Variants in SIGLEC5 observed in about 807,000 individuals in gnomAD.
SIGLEC5 encodes the protein sialic acid-binding Ig-like lectin 5.
Under a neutral mutation model 45.9 loss-of-function variants are expected in SIGLEC5, and 34 were observed. The observed-to-expected ratio is 0.74, with a 90% CI of 0.56 to 0.99. The LOEUF (loss-of-function observed/expected upper bound fraction) is 0.99. Ranked by LOEUF, SIGLEC5 falls within the 50% of genes least tolerant of loss-of-function variation. The pLI is 0.00. For synonymous variants in SIGLEC5, 203 were observed against 258.6 expected (o/e 0.79, Z 2.06); for missense variants, 508 against 629.6 (o/e 0.81, Z 2.07).
At chr19:51,618,264 A>G (rs911128737) in intron 8 of SIGLEC5, among the ~76,000 whole-genome samples, 1 of 151,958 alleles carries the variant, frequency 6.6e-6, no homozygotes, top group Non-Finnish European at 1.5e-5. Context: ...ATTTTTTAAA[A>G]CCTGGTTATA....
In SIGLEC5 at chr19:51,626,111, A is replaced by G; in HGVS notation, c.1385T>C (p.Val462Ala). 6.2e-7 allele frequency: 1 copy of G among 1,613,324 alleles called. No individual in the cohort carries two copies. Among genetic ancestry groups the G allele is most frequent in the Non-Finnish European group, 8.5e-7 (1 of 1,179,948 alleles). ...ICLCLIFFLI[V>A]KARRKQAAGR... The stretch of plus-strand genomic sequence containing the variant: ...AGCTGCTTGCTTCCTGCGGGCTTTC[A>G]CTCTAAGGAAAGAAACCAGCACAGT... The change falls in exon 8 of 9, where the codon GTG becomes GCG. Residue 462 changes from valine (V) to alanine (A), a missense_variant and splice_region_variant. Transcript: ENST00000683636.
intron 4 of SIGLEC5, among the ~76,000 whole-genome samples, 191 bp downstream of exon 4, chr19:51,628,819 GTGTGTGCGTGTGTGTGTGCGTGTGTGCA>G (rs1213315935): frequency 2.7e-5 from 4 of 146,470 alleles, no homozygotes; most frequent in African/African-American, 1.0e-4. Context: ...ATGCATGTGT[GTGTGTGCGTGTGTGTGTGCGTGTGTGCA>G]TGTGTGCGTG....
rs1401571744 is a variant in SIGLEC5 at position 51,627,204 on chromosome 19, C to T, written c.1327G>A (p.Gly443Ser). ...GTGVVPAALG[G>S]AGVMALLCIC... is the part of the protein sequence containing the mutation. Reference sequence around the variant, plus strand: ...CAGAGCAGGGCCATGACACCAGCACCACCAAGGGCTGCAGGAACCACTCCT... The same window carrying T: ...CAGAGCAGGGCCATGACACCAGCACTACCAAGGGCTGCAGGAACCACTCCT... The change falls in exon 7 of 9, where the codon GGT becomes AGT. Residue 443 changes from glycine to serine, a missense_variant. By Grantham distance (56) the Gly-to-Ser change is moderately conservative (BLOSUM62 0). Around this residue, in one of 2 missense-constraint regions of SIGLEC5, gnomAD observed 431 missense variants for 428.8 expected, o/e 1.01. Transcript: ENST00000683636. 1.9e-6 allele frequency: 3 copies of T among 1,614,018 alleles called. No homozygotes were observed. Among genetic ancestry groups the T allele is most frequent in the African/African-American group, 1.3e-5 (1 of 74,902 alleles).
At chr19:51,614,134 T>C (rs964896502) in intron 8 of SIGLEC5, among the ~76,000 whole-genome samples, 3 of 152,172 alleles carry the variant, frequency 2.0e-5, no homozygotes, top group Non-Finnish European at 4.4e-5. Flanking sequence ...ACGTGAGTCT[T>C]CAAACAGTAG....
intron 8 of SIGLEC5, among the ~76,000 whole-genome samples, chr19:51,624,461 TA>T (rs1267435953): frequency 6.6e-6 from 1 of 152,162 alleles, no homozygotes; most frequent in Non-Finnish European, 1.5e-5. Context: ...GGTTTGCAGT[TA>T]TTTATCATAT....
chr19:51,623,508 G>A (rs188581698), intron 8 of SIGLEC5, among the ~76,000 whole-genome samples: 1 of 152,264 alleles, frequency 6.6e-6, no homozygotes, highest in African/African-American at 2.4e-5. Flanking sequence ...GATGTGACCA[G>A]GTGTTTTATA....
chr19:51,629,083 T>C lies in SIGLEC5; in HGVS notation c.701-7A>G. The stretch of plus-strand genomic sequence containing the variant: ...GTGATGGTCTGTGGAGCATCTGGGA[T>C]AAAAAGATATAAACTTGGCTTCAGC... On this transcript the variant is annotated splice_region_variant and splice_polypyrimidine_tract_variant and intron_variant, in intron 3 of 8. Transcript: ENST00000683636. The C allele has an allele frequency of 6.2e-7, 1 of 1,613,612 alleles. No individual in the cohort carries two copies. Among genetic ancestry groups the C allele is most frequent in the Non-Finnish European group, 8.5e-7 (1 of 1,179,744 alleles).
At position 51,616,349 on chromosome 19, in the gene SIGLEC5, A is replaced by C. The variant is rs572084543; in HGVS notation, c.1465-3927T>G. Among the ~76,000 whole-genome samples the C allele has an allele frequency of 3.2e-4, 48 of 152,352 alleles. 1 individual carries two copies. In the South Asian group the frequency reaches 9.5e-3, roughly 30 times the overall value. ...TAGCAGCATGAAAACAAGCATAAGA[A>C]ACTTTGTCAATAACAAAGTGTGCAT... is the stretch of plus-strand genomic sequence containing the variant. On this transcript the variant is annotated intron_variant, in intron 8 of 8. Transcript: ENST00000683636.
intron 4 of SIGLEC5, 130 bp from the exon 5 acceptor site, chr19:51,628,221 C>G (rs1173042983): frequency 1.9e-6 from 2 of 1,072,930 alleles, no homozygotes; most frequent in Non-Finnish European, 2.5e-6. Context: ...TTGATTGCAT[C>G]CTGGTTCAAA....
chr19:51,623,715 T>C (rs897749037), intron 8 of SIGLEC5, among the ~76,000 whole-genome samples: 2 of 152,130 alleles, frequency 1.3e-5, no homozygotes, highest in African/African-American at 4.8e-5. Flanking sequence ...TTTCATGACC[T>C]TGTAAAGATG....
At chr19:51,626,828 G>C (rs1354279225) in intron 7 of SIGLEC5, among the ~76,000 whole-genome samples, 1 of 152,200 alleles carries the variant, frequency 6.6e-6, no homozygotes, top group African/African-American at 2.4e-5. Context: ...TACAAAACAT[G>C]TATCTCAATA....
intron 8 of SIGLEC5, among the ~76,000 whole-genome samples, chr19:51,614,275 C>T (rs939337739): frequency 1.3e-5 from 2 of 152,206 alleles, no homozygotes; most frequent in Admixed American, 6.5e-5. Context: ...TCCTGAGTAG[C>T]TGAGACCACA....
intron 8 of SIGLEC5, among the ~76,000 whole-genome samples, chr19:51,616,904 G>GTT: frequency 1.2e-4 from 1 of 8,254 alleles, no homozygotes; most frequent in Non-Finnish European, 2.1e-4. Flanking sequence ...GAGTGAGACT[G>GTT]TCAAAAAAAA....
chr19:51,614,461 G>T (rs1982977236), intron 8 of SIGLEC5, among the ~76,000 whole-genome samples: 1 of 152,068 alleles, frequency 6.6e-6, no homozygotes, highest in South Asian at 2.1e-4. Context: ...GGACTCCGCA[G>T]TTAGGGAAAA....
chr19:51,610,973 A>C lies in SIGLEC5; in HGVS notation c.*1258T>G, dbSNP rs1228315278. 1.3e-5 allele frequency among the ~76,000 whole-genome samples: 2 copies of C among 152,158 alleles called. No homozygotes were observed. Among genetic ancestry groups the C allele is most frequent in the Admixed American group, 6.5e-5 (1 of 15,268 alleles). On this transcript the variant is annotated 3_prime_UTR_variant, in exon 9 of 9. Transcript: ENST00000683636. ...TTTTTCTACTCATTTTTTCCCCAAA[A>C]GATTTTATTATTTTCAACACAAGGC...
In SIGLEC5 at chr19:51,612,391, GGGCTGTCT is replaced by G. The variant is rs765054099; in HGVS notation, c.1488_1495del (p.Asp497ArgfsTer25). ...CCCAGGAGGAGATGCTTGATCTCCGGGGCTGTCTGGCCAGGGCTTCTTCCTGGAACCCT... is the reference window on the plus strand; with the variant it reads ...CCCAGGAGGAGATGCTTGATCTCCGGGGCCAGGGCTTCTTCCTGGAACCCT... On this transcript the variant is annotated frameshift_variant, in exon 9 of 9. Coordinates refer to ENST00000683636, the MANE Select transcript of SIGLEC5 (RefSeq NM_003830.4). LOFTEE classifies it low-confidence loss of function (END_TRUNC). 1.2e-6 allele frequency: 2 copies of G among 1,612,826 alleles called. No individual in the cohort carries two copies. Among genetic ancestry groups the G allele is most frequent in the Non-Finnish European group, 1.7e-6 (2 of 1,179,466 alleles).
At chr19:51,621,758 C>A (rs1983292611) in intron 8 of SIGLEC5, 1 of 151,910 alleles carries the variant, frequency 6.6e-6, no homozygotes, top group Admixed American at 6.5e-5. Context: ...ACATGCAAGA[C>A]CAACTTGTGA....
chr19:51,618,456 A>AC (rs1022054974), intron 8 of SIGLEC5, among the ~76,000 whole-genome samples: 5 of 149,824 alleles, frequency 3.3e-5, no homozygotes, highest in South Asian at 4.2e-4. Context: ...AAAAAAAAAA[A>AC]AAAAAAAAAA....
intron 8 of SIGLEC5, chr19:51,621,468 A>G (rs1369930722): frequency 6.6e-6 from 1 of 152,224 alleles, no homozygotes; most frequent in East Asian, 1.9e-4. Flanking sequence ...TTGAAATCTG[A>G]CATCTGTTAG....
Sources: allele counts gnomAD v4.1 joint callset (sites outside exome capture counted in the v4.1 genomes callset), GRCh38; gene constraint gnomAD v4.1.1; regional missense constraint gnomAD v4.1.1; transcripts MANE v1.5; gene names NCBI Gene and HGNC (gene_info 2026-07-23, HGNC 2026-07-21).